The following RHBDD1 variants were observed in gnomAD, a reference collection of about 807,000 sequenced individuals.
The protein encoded by RHBDD1 is rhomboid-related protein 4.
A neutral mutation model predicts 36.3 loss-of-function variants in RHBDD1; 38 were observed. The ratio of observed to expected loss-of-function variants is 1.05; its 90% confidence interval spans 0.81 to 1.37. The LOEUF is 1.37. RHBDD1 is among the 40% of genes most tolerant of loss of function. The pLI, the probability that RHBDD1 is intolerant of heterozygous loss-of-function variation, is 0.00. For synonymous variants in RHBDD1, 151 were observed against 136.5 expected (o/e 1.11, Z -0.74); for missense variants, 393 against 377.6 (o/e 1.04, Z -0.34).
chr2:226,943,667 T>C (rs1950801907), intron 8 of RHBDD1, among the ~76,000 whole-genome samples: 1 of 152,118 alleles, frequency 6.6e-6, no homozygotes, highest in Non-Finnish European at 1.5e-5. Context: ...TTTTGCACAC[T>C]GTGCTATGAC....
At chr2:226,854,881 T>C (rs1348376382) in intron 3 of RHBDD1, among the ~76,000 whole-genome samples, 1 of 152,196 alleles carries the variant, frequency 6.6e-6, no homozygotes, top group Non-Finnish European at 1.5e-5. Context: ...AGTCAGGTGC[T>C]GTGTAAGTAG....
At chr2:226,954,067 G>A (rs545727738) in intron 8 of RHBDD1, among the ~76,000 whole-genome samples, 2 of 152,226 alleles carry the variant, frequency 1.3e-5, no homozygotes, top group African/African-American at 4.8e-5. Flanking sequence ...TTCATTTAAC[G>A]ACTGTTGATC....
At chr2:226,856,695 T>C (rs901883785) in intron 3 of RHBDD1, among the ~76,000 whole-genome samples, 3 of 152,198 alleles carry the variant, frequency 2.0e-5, no homozygotes, top group African/African-American at 7.2e-5. Flanking sequence ...AAAAAATGCA[T>C]GTAGCGTTTG....
chr2:226,958,702 C>CTGTG (rs10666758), intron 8 of RHBDD1, among the ~76,000 whole-genome samples: 17,130 of 138,764 alleles, frequency 0.12, 1,074 homozygotes, highest in Admixed American at 0.15. Flanking sequence ...AAGGATTTTT[C>CTGTG]TGTGTGTGTG....
intron 6 of RHBDD1, among the ~76,000 whole-genome samples, chr2:226,907,491 A>C (rs918791748): frequency 6.6e-6 from 1 of 152,292 alleles, no homozygotes; most frequent in Admixed American, 6.5e-5. Context: ...TTTCAATGCG[A>C]TTCTCATTTT....
chr2:226,862,046 G>A (rs1943902916), intron 3 of RHBDD1, among the ~76,000 whole-genome samples: 1 of 152,148 alleles, frequency 6.6e-6, no homozygotes, highest in African/African-American at 2.4e-5. Context: ...ATATACACAT[G>A]CATAATTTTT....
the RHBDD1 span, among the ~76,000 whole-genome samples, chr2:226,809,972 T>C: frequency 6.6e-6 from 1 of 152,204 alleles, no homozygotes; most frequent in African/African-American, 2.4e-5. Context: ...TACCATGTCA[T>C]TGGTGGGACA....
At chr2:226,897,936 G>A (rs1047134028) in intron 5 of RHBDD1, among the ~76,000 whole-genome samples, 21 of 152,020 alleles carry the variant, frequency 1.4e-4, no homozygotes, top group African/African-American at 2.7e-4. Context: ...CCGAGATTGC[G>A]CCATTGTACT....
rs559246732 is a variant in RHBDD1 at position 226,921,266 on chromosome 2, G to A, written c.856+6915G>A. On this transcript the variant is annotated intron_variant, in intron 8 of 8. Coordinates refer to ENST00000392062, the MANE Select transcript of RHBDD1 (RefSeq NM_001167608.3). ...CTTTTTTCTTAGCCTGACTAAAGGT[G>A]TGTTGATTTTGTTTATGTTTTCCAA... 1.7e-3 allele frequency among the ~76,000 whole-genome samples: 251 copies of A among 152,038 alleles called. 1 individual carries two copies. The highest frequency in any genetic ancestry group is 2.8e-3 in the Non-Finnish European group (189 of 67,922).
chr2:226,927,307 A>G (rs982949672), intron 8 of RHBDD1, among the ~76,000 whole-genome samples: 1 of 151,570 alleles, frequency 6.6e-6, no homozygotes, highest in Non-Finnish European at 1.5e-5. Context: ...TGGTTGAATT[A>G]TACTCTAGTG....
intron 8 of RHBDD1, among the ~76,000 whole-genome samples, chr2:226,924,149 C>T (rs2125793867): frequency 6.6e-6 from 1 of 152,308 alleles, no homozygotes; most frequent in Non-Finnish European, 1.5e-5. Flanking sequence ...CTGAGTCTCA[C>T]CCAGATACCA....
At chr2:226,824,873 A>G in the RHBDD1 span, among the ~76,000 whole-genome samples, 6 of 152,320 alleles carry the variant, frequency 3.9e-5, no homozygotes, top group Non-Finnish European at 5.9e-5. Flanking sequence ...GCAGAGATAC[A>G]GCTGTGTTTA....
intron 5 of RHBDD1, among the ~76,000 whole-genome samples, chr2:226,880,543 G>A (rs902545368): frequency 1.1e-4 from 16 of 152,134 alleles, no homozygotes; most frequent in African/African-American, 3.6e-4. Context: ...ACTACAATTG[G>A]AACTCTTTGA....
intron 8 of RHBDD1, among the ~76,000 whole-genome samples, chr2:226,938,992 ATAAT>A (rs1237433322): frequency 6.6e-6 from 1 of 152,162 alleles, no homozygotes; most frequent in Non-Finnish European, 1.5e-5. Context: ...ATCAATAAAC[ATAAT>A]TCATCACACA....
At chr2:226,852,510 A>G (rs1441318118) in intron 3 of RHBDD1, among the ~76,000 whole-genome samples, 2 of 151,964 alleles carry the variant, frequency 1.3e-5, no homozygotes, top group Non-Finnish European at 2.9e-5. Flanking sequence ...CTCTCTTTCT[A>G]CCATGTGAGT....
Position 226,998,269 on chromosome 2 carries a change from G to C in RHBDD1, c.*2747G>C, listed in dbSNP as rs1959980901. On this transcript the variant is annotated 3_prime_UTR_variant, in exon 9 of 9. Transcript: ENST00000392062. ...CAGACCTCCTCCATCCTTTTAAATT[G>C]CCTGCTGCAGTAAATAACTAGTTTG... 6.6e-6 allele frequency: 1 copy of C among 152,158 alleles called. No individual in the cohort carries two copies. Among genetic ancestry groups the C allele is most frequent in the Admixed American group, 6.5e-5 (1 of 15,282 alleles). The allele number at this position is 152,158 out of a possible 1,614,324, so 9.4% of individuals were successfully genotyped here.
At chr2:226,849,584 A>G (rs1942583587) in intron 3 of RHBDD1, among the ~76,000 whole-genome samples, 1 of 152,306 alleles carries the variant, frequency 6.6e-6, no homozygotes, top group Admixed American at 6.5e-5. Flanking sequence ...CAGACCCTGC[A>G]TTTCTTTGAT....
At chr2:226,840,573 A>G (rs1430288560) in intron 3 of RHBDD1, among the ~76,000 whole-genome samples, 3 of 152,170 alleles carry the variant, frequency 2.0e-5, no homozygotes, top group East Asian at 1.9e-4. Flanking sequence ...CCATCTATGG[A>G]TAAAGAAACA....
intron 8 of RHBDD1, among the ~76,000 whole-genome samples, chr2:226,994,631 TC>T (rs1340046206): frequency 6.6e-6 from 1 of 152,180 alleles, no homozygotes; most frequent in African/African-American, 2.4e-5. Flanking sequence ...TGATGTGTCT[TC>T]CTGGTTTCCT....
Sources: allele counts gnomAD v4.1 joint callset (sites outside exome capture counted in the v4.1 genomes callset), GRCh38; gene constraint gnomAD v4.1.1; transcripts MANE v1.5; gene names NCBI Gene and HGNC (gene_info 2026-07-23, HGNC 2026-07-21).